Variants in SNRK observed in about 807,000 individuals in gnomAD.
The protein encoded by SNRK is SNF related kinase, also known as SNF-related serine/threonine-protein kinase.
In SNRK, 3 loss-of-function variants were observed where a neutral mutation model predicts 48.2. The ratio of observed to expected loss-of-function variants is 0.06; its 90% confidence interval spans 0.03 to 0.16. SNRK has a LOEUF of 0.16. Ranked by LOEUF, SNRK falls within the 10% of genes least tolerant of loss-of-function variation. The pLI, the probability that SNRK is intolerant of heterozygous loss-of-function variation, is 1.00. For synonymous variants in SNRK, 376 were observed against 366.1 expected (o/e 1.03, Z -0.31); for missense variants, 627 against 976.0 (o/e 0.64, Z 4.76).
chr3:43,298,076 T>G (rs1226715119), intron 1 of SNRK, among the ~76,000 whole-genome samples: 2 of 152,210 alleles, frequency 1.3e-5, no homozygotes, highest in Non-Finnish European at 2.9e-5. Context: ...ATGCTTACTC[T>G]GTGCCAGGCA....
intron 2 of SNRK, among the ~76,000 whole-genome samples, chr3:43,300,392 T>C (rs1408534534): frequency 6.6e-6 from 1 of 152,148 alleles, no homozygotes; most frequent in Non-Finnish European, 1.5e-5. Context: ...ATTTATAAAA[T>C]CTGATTTATA....
intron 6 of SNRK, among the ~76,000 whole-genome samples, chr3:43,344,026 CA>C (rs1308964318): frequency 2.6e-5 from 4 of 152,226 alleles, no homozygotes; most frequent in African/African-American, 4.8e-5. Context: ...ATCTGTAAAA[CA>C]AAAGTAACAA....
At chr3:43,302,225 C>T (rs977662347) in intron 2 of SNRK, among the ~76,000 whole-genome samples, 4 of 152,136 alleles carry the variant, frequency 2.6e-5, no homozygotes, top group Admixed American at 2.6e-4. Context: ...CCCCTCAAAA[C>T]ATTTATATAA....
chr3:43,348,578 T>C lies in SNRK; in HGVS notation c.*21T>C, dbSNP rs776022218. On this transcript the variant is annotated 3_prime_UTR_variant, in exon 7 of 7. Transcript: ENST00000296088. ...TCTGACTGTGGCCCCATCTGGCCGC[T>C]AGCACGCTTCCTGCTCAGAGCAGTG... is the stretch of plus-strand genomic sequence containing the variant. The C allele has an allele frequency of 3.8e-4, 580 of 1,515,128 alleles. No individual in the cohort carries two copies. Among genetic ancestry groups the C allele is most frequent in the Non-Finnish European group, 5.1e-4 (574 of 1,136,396 alleles). The allele number at this position is 1,515,128 out of a possible 1,614,324, so 93.9% of individuals were successfully genotyped here.
rs186051710 is a variant in SNRK, at chr3:43,339,431, C to T, written c.732-856C>T. Among the ~76,000 whole-genome samples, 281 of 152,272 alleles carry T rather than the reference C, an allele frequency of 1.8e-3. 1 individual carries two copies. The highest frequency in any genetic ancestry group is 6.3e-3 in the African/African-American group (262 of 41,562). The stretch of plus-strand genomic sequence containing the variant: ...CAAAGGCCAGCTTTGTCATTCATTT[C>T]GTAAGGGTTCTGTTTTACTTCATTT... On this transcript the variant is annotated intron_variant, in intron 4 of 6. Transcript: ENST00000296088.
At chr3:43,310,192 T>C (rs1216601608) in intron 3 of SNRK, among the ~76,000 whole-genome samples, 1 of 152,192 alleles carries the variant, frequency 6.6e-6, no homozygotes, top group East Asian at 1.9e-4. Context: ...TATTTATATT[T>C]ATTATTACTG....
At chr3:43,296,415 C>CATATATATATAT (rs371078181) in intron 1 of SNRK, among the ~76,000 whole-genome samples, 6,844 of 126,986 alleles carry the variant, frequency 0.054, 245 homozygotes, top group Non-Finnish European at 0.074. Flanking sequence ...GATATACTGG[C>CATATATATATAT]ATATATATAT....
At chr3:43,304,241 G>A (rs186220984) in intron 3 of SNRK, among the ~76,000 whole-genome samples, 28 of 152,244 alleles carry the variant, frequency 1.8e-4, no homozygotes, top group Admixed American at 1.3e-3. Context: ...CTGTGAACTT[G>A]AACAAGTGCT....
chr3:43,348,662 G>A lies in SNRK; in HGVS notation c.*105G>A. 2.5e-6 allele frequency: 3 copies of A among 1,208,816 alleles called. No homozygotes were observed. Among genetic ancestry groups the A allele is most frequent in the Non-Finnish European group, 3.2e-6 (3 of 925,212 alleles). 74.9% of individuals were successfully genotyped at this position (1,208,816 alleles called of 1,614,324 possible). ...TACTATTTTAAAGTGGGCGTTAGGA[G>A]CAATTATTTATTACCTTTCCATTTG... On this transcript the variant is annotated 3_prime_UTR_variant, in exon 7 of 7. Coordinates refer to ENST00000296088, the MANE Select transcript of SNRK (RefSeq NM_017719.5).
At chr3:43,300,125 A>G (rs2090887893) in intron 2 of SNRK, among the ~76,000 whole-genome samples, 1 of 152,188 alleles carries the variant, frequency 6.6e-6, no homozygotes, top group South Asian at 2.1e-4. Context: ...GCTCATATAA[A>G]AAGTAAATTA....
At chr3:43,335,703 G>A (rs2091182662) in intron 4 of SNRK, among the ~76,000 whole-genome samples, 1 of 152,030 alleles carries the variant, frequency 6.6e-6, no homozygotes, top group Non-Finnish European at 1.5e-5. Flanking sequence ...TTTTCTTGGA[G>A]CTCTGTCAGT....
At chr3:43,307,132 C>T (rs13082581) in intron 3 of SNRK, among the ~76,000 whole-genome samples, 27,383 of 152,066 alleles carry the variant, frequency 0.18, 3,042 homozygotes, top group Middle Eastern at 0.35. Flanking sequence ...GTCTTCTATT[C>T]TCATCTGTGA....
intron 4 of SNRK, among the ~76,000 whole-genome samples, chr3:43,334,278 C>T (rs1302934545): frequency 6.6e-6 from 1 of 152,074 alleles, no homozygotes; most frequent in East Asian, 1.9e-4. Flanking sequence ...TAGGGAGGCC[C>T]TGTCTCTACT....
intron 3 of SNRK, among the ~76,000 whole-genome samples, chr3:43,321,101 A>T (rs2091050155): frequency 6.6e-6 from 1 of 152,068 alleles, no homozygotes; most frequent in South Asian, 2.1e-4. Context: ...TCAAGGCTGT[A>T]TTATCAGTGT....
At chr3:43,296,246 A>C (rs1046011341) in intron 1 of SNRK, among the ~76,000 whole-genome samples, 1 of 151,814 alleles carries the variant, frequency 6.6e-6, no homozygotes, top group Admixed American at 6.6e-5. Context: ...TGGTTTTTCT[A>C]TAGATGTACA....
chr3:43,320,623 A>G (rs2091046411), intron 3 of SNRK, among the ~76,000 whole-genome samples: 1 of 152,108 alleles, frequency 6.6e-6, no homozygotes, highest in African/African-American at 2.4e-5. Flanking sequence ...GACGTATTAA[A>G]TGTTAGTCAA....
intron 4 of SNRK, among the ~76,000 whole-genome samples, chr3:43,333,554 A>G (rs1054728432): frequency 1.1e-4 from 16 of 152,018 alleles, no homozygotes; most frequent in African/African-American, 3.9e-4. Context: ...AATATTGATG[A>G]TGATTATTTT....
chr3:43,298,915 C>T (rs1414763374), intron 1 of SNRK, among the ~76,000 whole-genome samples: 1 of 152,198 alleles, frequency 6.6e-6, no homozygotes, highest in African/African-American at 2.4e-5. Flanking sequence ...GTGATTTCCA[C>T]TTGCCTTCTA....
intron 4 of SNRK, among the ~76,000 whole-genome samples, chr3:43,338,899 G>A (rs1380345904): frequency 6.6e-6 from 1 of 152,020 alleles, no homozygotes; most frequent in Non-Finnish European, 1.5e-5. Context: ...TTATTTTCAA[G>A]ATTCTCTTTC....
Sources: allele counts gnomAD v4.1 joint callset (sites outside exome capture counted in the v4.1 genomes callset), GRCh38; gene constraint gnomAD v4.1.1; transcripts MANE v1.5; gene names NCBI Gene and HGNC (gene_info 2026-07-23, HGNC 2026-07-21).